NR2C2: variants seen among roughly 807,000 people sequenced by gnomAD.
NR2C2 encodes the protein Nuclear hormone receptor TR4.
A neutral mutation model predicts 62.9 loss-of-function variants in NR2C2; 6 were observed. That is an observed-to-expected ratio of 0.10 (90% CI 0.05 to 0.19). The LOEUF is 0.19. Among genes scored for constraint, NR2C2 ranks in the 10% least tolerant of loss-of-function variants. The pLI is 1.00. For synonymous variants in NR2C2, 272 were observed against 273.8 expected (o/e 0.99, Z 0.07); for missense variants, 479 against 762.7 (o/e 0.63, Z 4.38).
intron 1 of NR2C2, among the ~76,000 whole-genome samples, chr3:14,973,833 A>G (rs1284387332): frequency 6.6e-6 from 1 of 152,186 alleles, no homozygotes; most frequent in South Asian, 2.1e-4. Context: ...ACCGTTTTTA[A>G]GTACGGATGT....
chr3:15,017,485 G>A (rs2041543533), intron 4 of NR2C2, among the ~76,000 whole-genome samples: 1 of 152,118 alleles, frequency 6.6e-6, no homozygotes, highest in South Asian at 2.1e-4. Flanking sequence ...CTGTCTTCTT[G>A]CTCAGCAAGG....
chr3:15,018,793 G>A (rs1443702157), intron 4 of NR2C2, among the ~76,000 whole-genome samples: 1 of 152,032 alleles, frequency 6.6e-6, no homozygotes, highest in African/African-American at 2.4e-5. Context: ...AAGGCAGGTG[G>A]ATCACCTGAG....
intron 1 of NR2C2, among the ~76,000 whole-genome samples, chr3:14,995,597 T>C (rs2040810117): frequency 1.3e-5 from 2 of 152,164 alleles, no homozygotes; most frequent in East Asian, 1.9e-4. Flanking sequence ...TTGGGCGTTT[T>C]TACTTTTTGG....
chr3:14,983,466 C>T (rs2040430977), intron 1 of NR2C2, among the ~76,000 whole-genome samples: 1 of 140,776 alleles, frequency 7.1e-6, no homozygotes, highest in African/African-American at 2.9e-5. Flanking sequence ...TCTTTATACA[C>T]ACACACACAC....
At chr3:15,006,372 A>G (rs796505160) in intron 2 of NR2C2, among the ~76,000 whole-genome samples, 10 of 152,072 alleles carry the variant, frequency 6.6e-5, no homozygotes, top group African/African-American at 2.2e-4. Flanking sequence ...AATCTTTGCT[A>G]TTATCTTTTG....
rs570675539 is a variant in NR2C2 at position 14,953,454 on chromosome 3, A to G, written c.-40+5548A>G. Among the ~76,000 whole-genome samples the G allele has an allele frequency of 3.9e-4, 60 of 152,210 alleles. No individual in the cohort carries two copies. The South Asian group carries it at 0.012, about 31-fold the overall frequency. ...TGCTGCTGAAAAGTGAAGAGAAATG[A>G]GAGGCTGGTAGGGCTAGACTCAAGC... On this transcript the variant is annotated intron_variant, in intron 1 of 13. Transcript: ENST00000425241.
chr3:15,002,272 GT>G (rs540225383), intron 1 of NR2C2, among the ~76,000 whole-genome samples: 209 of 152,026 alleles, frequency 1.4e-3, no homozygotes, highest in Admixed American at 4.4e-3. Context: ...TTTATTGAGT[GT>G]TTTTTTCATG....
intron 7 of NR2C2, among the ~76,000 whole-genome samples, chr3:15,027,493 T>C (rs1413543013): frequency 6.6e-6 from 1 of 152,220 alleles, no homozygotes; most frequent in Non-Finnish European, 1.5e-5. Flanking sequence ...GGTATGTCAT[T>C]GTGATTTTGA....
At chr3:14,950,746 A>G (rs1007033848) in intron 1 of NR2C2, among the ~76,000 whole-genome samples, 5 of 152,316 alleles carry the variant, frequency 3.3e-5, no homozygotes, top group African/African-American at 1.2e-4. Context: ...TTTGTTTACC[A>G]TTACTTATCC....
rs1574994828 is a variant in NR2C2 at position 15,007,027 on chromosome 3, G to A, written c.72+3041G>A. ...TGACCTCAGCTGATCAGCCTGCCTC[G>A]GCCTCCCAAAGTGCTGGGATTACAG... On this transcript the variant is annotated intron_variant, in intron 2 of 13. Transcript: ENST00000425241. Among the ~76,000 whole-genome samples the A allele has an allele frequency of 3.3e-5, 5 of 151,910 alleles. No homozygotes were observed. The South Asian group carries it at 8.3e-4, about 25-fold the overall frequency.
At position 15,044,692 on chromosome 3, in the gene NR2C2, C is replaced by G. The variant is rs2042390308; in HGVS notation, c.*1684C>G. ...AAGATCCCTGGACACTCCCCTGACT[C>G]ACAGGTGCTCTGATCTGGCTCAGGC... On this transcript the variant is annotated 3_prime_UTR_variant, in exon 14 of 14. Transcript: ENST00000425241. The G allele has an allele frequency of 6.6e-6, 1 of 152,278 alleles. No homozygotes were observed. The highest frequency in any genetic ancestry group is 2.4e-5 in the African/African-American group (1 of 41,474). The allele number at this position is 152,278 out of a possible 1,614,324, so 9.4% of individuals were successfully genotyped here. A position where few individuals can be genotyped will look rare whatever the true frequency, so the allele number is the denominator to read the frequency against.
At position 14,951,418 on chromosome 3, in the gene NR2C2, T is replaced by C. The variant is rs535731389; in HGVS notation, c.-40+3512T>C. On this transcript the variant is annotated intron_variant, in intron 1 of 13. Coordinates refer to ENST00000425241, the MANE Select transcript of NR2C2 (RefSeq NM_001291694.2). ...TAAATAAAACATTTGTATTAACTTA[T>C]TTTATATTGTAAAACTTTTAAAATA... 3.0e-3 allele frequency among the ~76,000 whole-genome samples: 459 copies of C among 152,346 alleles called. 2 individuals carry two copies. The highest frequency in any genetic ancestry group is 0.014 in the Middle Eastern group (4 of 294).
chr3:14,969,866 G>A (rs1253467391), intron 1 of NR2C2, among the ~76,000 whole-genome samples: 1 of 152,034 alleles, frequency 6.6e-6, no homozygotes, highest in African/African-American at 2.4e-5. Context: ...TCCATGTAAG[G>A]GAATGTTTAA....
chr3:14,999,496 C>A (rs2040926669), intron 1 of NR2C2, among the ~76,000 whole-genome samples: 1 of 150,342 alleles, frequency 6.7e-6, no homozygotes, highest in African/African-American at 2.4e-5. Flanking sequence ...TTGTCCCCCC[C>A]AAAAAAAAAG....
chr3:14,975,900 T>G (rs1219782180), intron 1 of NR2C2, among the ~76,000 whole-genome samples: 1 of 152,132 alleles, frequency 6.6e-6, no homozygotes, highest in Non-Finnish European at 1.5e-5. Context: ...GTTATAGGTC[T>G]ATTTGGATTT....
At chr3:14,983,695 T>C (rs988245039) in intron 1 of NR2C2, among the ~76,000 whole-genome samples, 4 of 152,160 alleles carry the variant, frequency 2.6e-5, no homozygotes, top group Admixed American at 6.5e-5. Context: ...CCAGTAAAAC[T>C]GTTGGTGCCT....
intron 1 of NR2C2, among the ~76,000 whole-genome samples, chr3:14,980,178 TCTCA>T (rs1456523338): frequency 2.0e-5 from 3 of 152,020 alleles, no homozygotes; most frequent in African/African-American, 7.3e-5. Context: ...GGGAACAGGG[TCTCA>T]CTCTGTCACC....
At chr3:14,971,121 T>A (rs1207638634) in intron 1 of NR2C2, among the ~76,000 whole-genome samples, 2 of 152,226 alleles carry the variant, frequency 1.3e-5, no homozygotes, top group East Asian at 1.9e-4. Flanking sequence ...TGCATTTTTT[T>A]ATTTTTTATT....
intron 1 of NR2C2, among the ~76,000 whole-genome samples, chr3:14,985,854 G>A (rs1482879453): frequency 6.6e-6 from 1 of 152,006 alleles, no homozygotes; most frequent in Non-Finnish European, 1.5e-5. Flanking sequence ...TGCCTCCTTG[G>A]GCTCATATGT....
Sources: gnomAD v4.1 joint callset for allele counts (sites outside exome capture counted in the v4.1 genomes callset) on GRCh38, gnomAD v4.1.1 for gene constraint, MANE v1.5 for transcripts, NCBI Gene and HGNC (gene_info 2026-07-23, HGNC 2026-07-21) for gene names.